RAP1GAP2: variants seen among roughly 807,000 people sequenced by gnomAD.
The protein encoded by RAP1GAP2 is rap1 GTPase-activating protein 2.
In RAP1GAP2, 27 loss-of-function variants were observed where a neutral mutation model predicts 95.0. The observed-to-expected ratio is 0.28, with a 90% CI of 0.21 to 0.39. RAP1GAP2 has a LOEUF of 0.39. Among genes scored for constraint, RAP1GAP2 ranks in the 10% least tolerant of loss-of-function variants. RAP1GAP2 has a pLI of 1.00. For synonymous variants in RAP1GAP2, 373 were observed against 380.9 expected, an observed-to-expected ratio of 0.98 and a Z score of 0.24; for missense variants, 771 against 970.0, an observed-to-expected ratio of 0.79 and a Z score of 2.72.
At chr17:2,860,594 C>CTTTTT (rs561492877) in intron 2 of RAP1GAP2, among the ~76,000 whole-genome samples, 15 of 96,066 alleles carry the variant, frequency 1.6e-4, no homozygotes, top group Non-Finnish European at 1.8e-4. Flanking sequence ...ACTTATTTAT[C>CTTTTT]TTTTTTTTTT....
At chr17:2,969,893 T>A (rs1054673594) in intron 8 of RAP1GAP2, among the ~76,000 whole-genome samples, 1 of 152,070 alleles carries the variant, frequency 6.6e-6, no homozygotes, top group Non-Finnish European at 1.5e-5. Flanking sequence ...ATCTTAGAGA[T>A]TTTTCCGTAT....
chr17:2,950,605 ATTTTTT>A (rs3035074), intron 3 of RAP1GAP2, among the ~76,000 whole-genome samples: 8 of 78,056 alleles, frequency 1.0e-4, no homozygotes, highest in African/African-American at 3.8e-4. Context: ...ATTTGCTTCA[ATTTTTT>A]TTTTTTTTTT....
chr17:2,969,281 T>C (rs955996066), intron 8 of RAP1GAP2, among the ~76,000 whole-genome samples: 3 of 151,750 alleles, frequency 2.0e-5, no homozygotes, highest in Admixed American at 2.0e-4. Flanking sequence ...CACAAATTGA[T>C]TGCATAGTAG....
intron 2 of RAP1GAP2, among the ~76,000 whole-genome samples, chr17:2,836,909 A>G (rs2151560451): frequency 6.6e-6 from 1 of 152,282 alleles, no homozygotes; most frequent in South Asian, 2.1e-4. Context: ...TGGACTGACG[A>G]GGTGTGTGCC....
intron 10 of RAP1GAP2, 86 bp downstream of exon 10, chr17:2,981,334 T>TCATAGTGGGG (rs2045349287): frequency 7.7e-7 from 1 of 1,290,682 alleles, no homozygotes; most frequent in East Asian, 2.5e-5. Context: ...GTTCTCTGCA[T>TCATAGTGGGG]CATAGTGGGG....
intron 17 of RAP1GAP2, among the ~76,000 whole-genome samples, chr17:3,012,773 G>A (rs749515781): frequency 3.9e-5 from 6 of 152,142 alleles, no homozygotes; most frequent in Admixed American, 1.3e-4. Context: ...CGGGAGTCTT[G>A]CGAGAACAGC....
At chr17:2,925,359 A>G (rs1272700816) in intron 3 of RAP1GAP2, among the ~76,000 whole-genome samples, 1 of 152,196 alleles carries the variant, frequency 6.6e-6, no homozygotes, top group East Asian at 1.9e-4. Flanking sequence ...ACAGTTCTGT[A>G]TGGCTGGGGA....
intron 17 of RAP1GAP2, among the ~76,000 whole-genome samples, chr17:3,009,312 A>T (rs1245650219): frequency 6.6e-6 from 1 of 152,260 alleles, no homozygotes; most frequent in Non-Finnish European, 1.5e-5. Flanking sequence ...AAAGCTTCAC[A>T]CACATTATCC....
rs146648023 is a variant in RAP1GAP2 at position 2,909,404 on chromosome 17, A to G, written c.165+4036A>G. Reference sequence around the variant, plus strand: ...ACAGCAGATGGCCGTGTGTTGAGGAATGGGTGGAGATGGTCAGAGTCAGAG... The same window carrying G: ...ACAGCAGATGGCCGTGTGTTGAGGAGTGGGTGGAGATGGTCAGAGTCAGAG... On this transcript the variant is annotated intron_variant, in intron 3 of 24. Coordinates refer to ENST00000254695, the MANE Select transcript of RAP1GAP2 (RefSeq NM_015085.5). Among the ~76,000 whole-genome samples, 945 of 152,120 alleles carry G rather than the reference A, an allele frequency of 6.2e-3. 8 individuals are homozygous for G. The highest frequency in any genetic ancestry group is 8.0e-3 in the Non-Finnish European group (543 of 67,962).
intron 2 of RAP1GAP2, among the ~76,000 whole-genome samples, chr17:2,888,652 C>CT (rs59994615): frequency 9.6e-6 from 1 of 104,012 alleles, no homozygotes; most frequent in Non-Finnish European, 1.9e-5. Flanking sequence ...TTTTCTTTTT[C>CT]TTTTTTTTTT....
chr17:2,823,247 A>G (rs952205437), intron 2 of RAP1GAP2, among the ~76,000 whole-genome samples: 1 of 151,974 alleles, frequency 6.6e-6, no homozygotes, highest in Admixed American at 6.6e-5. Flanking sequence ...ATGGGCCCCC[A>G]CTTTGCCTGG....
chr17:2,850,881 C>T lies in RAP1GAP2; in HGVS notation c.80+50331C>T, dbSNP rs573078692. On this transcript the variant is annotated intron_variant, in intron 2 of 24. Transcript: ENST00000254695. ...TTCGAGATCAGCCTGGCCAACATGG[C>T]GAAACCCCGTCTCTACTAAAAATAC... 7.2e-4 allele frequency among the ~76,000 whole-genome samples: 109 copies of T among 151,240 alleles called. No individual in the cohort carries two copies. In the Middle Eastern group the frequency reaches 0.01, roughly 14 times the overall value.
At chr17:2,791,857 CT>C (rs530185952), upstream of RAP1GAP2, among the ~76,000 whole-genome samples, 531 of 136,028 alleles carry the variant, frequency 3.9e-3, 3 homozygotes, top group Middle Eastern at 7.9e-3. Flanking sequence ...CCTTTTCTCT[CT>C]TTTTTTTTTT....
chr17:3,015,643 G>A (rs1256325089), intron 17 of RAP1GAP2, among the ~76,000 whole-genome samples: 3 of 152,048 alleles, frequency 2.0e-5, no homozygotes, highest in East Asian at 1.9e-4. Context: ...ACAGTGAACC[G>A]CCATCTCTAC....
chr17:2,935,719 C>T (rs1384046475), intron 3 of RAP1GAP2, among the ~76,000 whole-genome samples: 1 of 152,128 alleles, frequency 6.6e-6, no homozygotes, highest in Non-Finnish European at 1.5e-5. Context: ...TTCGGAAGTG[C>T]CGGAGGATGG....
At chr17:3,013,840 G>A (rs7222605) in intron 17 of RAP1GAP2, among the ~76,000 whole-genome samples, 10 of 151,916 alleles carry the variant, frequency 6.6e-5, no homozygotes, top group South Asian at 4.2e-4. Context: ...TTACCCTTCA[G>A]AACTTTTTCT....
At chr17:2,882,119 CT>C (rs1182195871) in intron 2 of RAP1GAP2, among the ~76,000 whole-genome samples, 246 of 131,774 alleles carry the variant, frequency 1.9e-3, no homozygotes, top group Middle Eastern at 4.4e-3. Context: ...TGTGCCTGGC[CT>C]TTTTTTTTTT....
At chr17:2,935,172 T>G (rs192012869) in intron 3 of RAP1GAP2, among the ~76,000 whole-genome samples, 29 of 152,270 alleles carry the variant, frequency 1.9e-4, no homozygotes, top group Non-Finnish European at 3.4e-4. Context: ...GTGGATGTGA[T>G]GATAGTGCTT....
In RAP1GAP2 at chr17:2,866,258, G is replaced by A. The variant is rs2151629879; in HGVS notation, c.81-39026G>A. On this transcript the variant is annotated intron_variant, in intron 2 of 24. Coordinates refer to ENST00000254695, the MANE Select transcript of RAP1GAP2 (RefSeq NM_015085.5). The surrounding 1 kb of genome is among the most constrained non-coding windows in gnomAD (Gnocchi z 4.0). Reference sequence around the variant, plus strand: ...CAGGGGCCCGCTCAGATCCCACCTTGGCTGTGGTGTGGATTCCCTGCTGGG... The same window carrying A: ...CAGGGGCCCGCTCAGATCCCACCTTAGCTGTGGTGTGGATTCCCTGCTGGG... 6.6e-6 allele frequency among the ~76,000 whole-genome samples: 1 copy of A among 152,372 alleles called. No individual in the cohort carries two copies. Among genetic ancestry groups the A allele is most frequent in the African/African-American group, 2.4e-5 (1 of 41,586 alleles).
Sources: gnomAD v4.1 joint callset for allele counts (sites outside exome capture counted in the v4.1 genomes callset) on GRCh38, gnomAD v4.1.1 for gene constraint, Gnocchi (gnomAD v3.1) non-coding constraint, MANE v1.5 for transcripts, NCBI Gene and HGNC (gene_info 2026-07-23, HGNC 2026-07-21) for gene names.